Variants in STOM observed in about 807,000 individuals in gnomAD.
The protein encoded by STOM is stomatin.
A neutral mutation model predicts 30.6 loss-of-function variants in STOM; 25 were observed. The ratio of observed to expected loss-of-function variants is 0.82; its 90% CI spans 0.60 to 1.14. The LOEUF (loss-of-function observed/expected upper bound fraction) is 1.14, where lower values mean the gene tolerates loss of function less well. Among genes scored for constraint, STOM ranks in the 50% most tolerant of loss-of-function variants. STOM has a pLI of 0.00. For synonymous variants in STOM, 118 were observed against 130.8 expected (o/e 0.90, Z 0.67); for missense variants, 292 against 365.2 (o/e 0.80, Z 1.63).
intron 6 of STOM, among the ~76,000 whole-genome samples, chr9:121,344,429 A>T (rs1052030527): frequency 6.6e-6 from 1 of 152,164 alleles, no homozygotes; most frequent in Non-Finnish European, 1.5e-5. Context: ...TTGGCTGAGA[A>T]GCCAGACCCA....
At chr9:121,347,871 G>T in intron 6 of STOM, 144 bp downstream of exon 6, 1 of 1,020,202 alleles carries the variant, frequency 9.8e-7, no homozygotes. Flanking sequence ...AATATGATTT[G>T]AAGTTACGGG....
At chr9:121,352,196 T>C (rs2134030631) in intron 4 of STOM, among the ~76,000 whole-genome samples, 1 of 152,346 alleles carries the variant, frequency 6.6e-6, no homozygotes. Flanking sequence ...ATGCACATCC[T>C]CCTTTATACA....
intron 4 of STOM, among the ~76,000 whole-genome samples, chr9:121,351,666 G>A (rs1268619024): frequency 1.3e-5 from 2 of 152,236 alleles, no homozygotes; most frequent in Non-Finnish European, 2.9e-5. Context: ...CATTTAGCAT[G>A]GAGCTGTGGA....
chr9:121,361,896 C>T (rs921153316), intron 1 of STOM, among the ~76,000 whole-genome samples: 4 of 152,178 alleles, frequency 2.6e-5, no homozygotes, highest in African/African-American at 9.7e-5. Flanking sequence ...GATCATCAGA[C>T]ATTAGGTTCT....
intron 1 of STOM, among the ~76,000 whole-genome samples, chr9:121,358,589 A>C (rs1469702119): frequency 6.6e-6 from 1 of 152,190 alleles, no homozygotes; most frequent in Non-Finnish European, 1.5e-5. Context: ...CCCACCACAT[A>C]CTTATACCCA....
In STOM at chr9:121,339,684, T is replaced by A; in HGVS notation, c.*1518A>T. 8.1e-7 allele frequency: 1 copy of A among 1,231,606 alleles called. No homozygotes were observed. Among genetic ancestry groups the A allele is most frequent in the Non-Finnish European group, 1.0e-6 (1 of 987,876 alleles). 76.3% of individuals were successfully genotyped at this position (1,231,606 alleles called of 1,614,324 possible). ...CCAGCTTTCTGGCCAGTAAGCAGAA[T>A]GCCAGGTTGCTCAGATTCACAGACA... On this transcript the variant is annotated 3_prime_UTR_variant, in exon 7 of 7. Coordinates refer to ENST00000286713, the MANE Select transcript of STOM (RefSeq NM_004099.6).
intron 1 of STOM, among the ~76,000 whole-genome samples, chr9:121,368,988 G>T (rs1056787219): frequency 2.6e-5 from 4 of 151,140 alleles, no homozygotes; most frequent in African/African-American, 9.7e-5. Context: ...AATTTTTGTT[G>T]TTGTGGTTGC....
intron 1 of STOM, among the ~76,000 whole-genome samples, chr9:121,364,317 A>C (rs1037396720): frequency 1.3e-5 from 2 of 152,194 alleles, no homozygotes; most frequent in African/African-American, 4.8e-5. Flanking sequence ...TTAGTATTTT[A>C]ATTAGGCACG....
chr9:121,361,354 G>T, intron 1 of STOM, among the ~76,000 whole-genome samples: 1 of 135,810 alleles, frequency 7.4e-6, no homozygotes, highest in Admixed American at 7.2e-5. Context: ...GACAAATAGT[G>T]ATATTTTGGT....
At position 121,370,199 on chromosome 9, in the gene STOM, C is replaced by T. The variant is rs747787209; in HGVS notation, c.-12G>A. 1.8e-5 allele frequency: 28 copies of T among 1,546,412 alleles called. No individual in the cohort carries two copies. Reference sequence around the variant, plus strand: ...CGCTTCTCGGCCATGCTGCCCGAGACGCAGTCGCACTCCCCCGTCCTCGTT... The same window carrying T: ...CGCTTCTCGGCCATGCTGCCCGAGATGCAGTCGCACTCCCCCGTCCTCGTT... On this transcript the variant is annotated 5_prime_UTR_variant, in exon 1 of 7. Coordinates refer to ENST00000286713, the MANE Select transcript of STOM (RefSeq NM_004099.6).
In STOM at chr9:121,339,704, C is replaced by T. The variant is rs2134017818; in HGVS notation, c.*1498G>A. The T allele has an allele frequency of 8.1e-7, 1 of 1,231,324 alleles. No individual in the cohort carries two copies. The highest frequency in any genetic ancestry group is 4.2e-5 in the Admixed American group (1 of 23,714). The allele number at this position is 1,231,324 out of a possible 1,614,324, so 76.3% of individuals were successfully genotyped here. On this transcript the variant is annotated 3_prime_UTR_variant, in exon 7 of 7. Transcript: ENST00000286713. ...CAGAATGCCAGGTTGCTCAGATTCA[C>T]AGACATTTGCAAAACAGAAGATGTC...
At chr9:121,357,528 CT>C (rs1406261033) in intron 1 of STOM, among the ~76,000 whole-genome samples, 1 of 150,824 alleles carries the variant, frequency 6.6e-6, no homozygotes, top group Non-Finnish European at 1.5e-5. Context: ...CAACCTCCAC[CT>C]CCTGGGATCA....
chr9:121,350,644 T>C (rs2064331294), intron 4 of STOM, among the ~76,000 whole-genome samples: 1 of 152,222 alleles, frequency 6.6e-6, no homozygotes, highest in Admixed American at 6.5e-5. Context: ...TTTAACCCAT[T>C]TGACCAACAG....
intron 1 of STOM, among the ~76,000 whole-genome samples, chr9:121,359,210 T>C (rs1222184822): frequency 2.0e-5 from 3 of 152,006 alleles, no homozygotes; most frequent in African/African-American, 7.2e-5. Context: ...TTGGAATAAA[T>C]AGGAGGCCAA....
intron 1 of STOM, among the ~76,000 whole-genome samples, chr9:121,357,775 T>C (rs1046247714): frequency 6.6e-6 from 1 of 152,060 alleles, no homozygotes; most frequent in Non-Finnish European, 1.5e-5. Flanking sequence ...ATAAATAAAA[T>C]GTGTAACCTA....
In STOM at chr9:121,369,576, G is replaced by A. The variant is rs1015454358; in HGVS notation, c.61+551C>T. ...GAGGAAAGCGGAGGGGGAAAAATGG[G>A]GCAGAAAGTGGAGCTAGAAAGAGAG... On this transcript the variant is annotated intron_variant, in intron 1 of 6. Transcript: ENST00000286713. Among the ~76,000 whole-genome samples, 11 of 152,164 alleles carry A rather than the reference G, an allele frequency of 7.2e-5. 1 individual carries two copies. Among genetic ancestry groups the A allele is most frequent in the African/African-American group, 2.7e-4 (11 of 41,424 alleles).
rs769140651 is a variant in STOM at position 121,348,037 on chromosome 9, G to A, written c.638C>T (p.Ala213Val). The change falls in exon 6 of 7, where the codon GCG becomes GTG. Residue 213 changes from alanine (A) to valine (V), a missense_variant. By Grantham distance (64) the Ala-to-Val change is moderately conservative (BLOSUM62 0). Transcript: ENST00000286713. ...TACCTTGGCGCGGGCCTCGCGGGAC[G>A]CTTCTGCTTCTGCAGCCATAGCTCT... ...LQRAMAAEAE[A>V]SREARAKVIA... The A allele has an allele frequency of 9.3e-6, 15 of 1,613,904 alleles. No individual in the cohort carries two copies. Among genetic ancestry groups the A allele is most frequent in the African/African-American group, 2.7e-5 (2 of 74,934 alleles).
At chr9:121,369,024 T>C (rs1454071565) in intron 1 of STOM, among the ~76,000 whole-genome samples, 3 of 152,180 alleles carry the variant, frequency 2.0e-5, no homozygotes. Context: ...CTCCTCCCTG[T>C]TACACTCTCC....
Position 121,339,594 on chromosome 9 carries a change from G to A in STOM, c.*1608C>T, listed in dbSNP as rs1052748807. On this transcript the variant is annotated 3_prime_UTR_variant, in exon 7 of 7. Transcript: ENST00000286713. ...AAGGCTCGTGCTGGGAAAGAAAGCT[G>A]TTATGCTTAGACTTCTCTAGGTGAA... 1.4e-5 allele frequency: 17 copies of A among 1,231,566 alleles called. No individual in the cohort carries two copies. Among genetic ancestry groups the A allele is most frequent in the Non-Finnish European group, 1.6e-5 (16 of 987,894 alleles). The allele number at this position is 1,231,566 out of a possible 1,614,324, so 76.3% of individuals were successfully genotyped here. A position where few individuals can be genotyped will look rare whatever the true frequency, so the allele number is the denominator to read the frequency against.
Sources: allele counts gnomAD v4.1 joint callset (sites outside exome capture counted in the v4.1 genomes callset), GRCh38; gene constraint gnomAD v4.1.1; transcripts MANE v1.5; gene names NCBI Gene and HGNC (gene_info 2026-07-23, HGNC 2026-07-21).